Variants in ARMH1 observed in about 807,000 individuals in gnomAD.
The protein encoded by ARMH1 is armadillo like helical domain containing 1.
ARMH1 carries 34 observed loss-of-function variants against 50.2 expected under a neutral mutation model. The observed-to-expected ratio is 0.68, with a 90% CI of 0.51 to 0.90. The LOEUF is 0.90. Ranked by LOEUF, ARMH1 falls within the 40% of genes least tolerant of loss-of-function variation. The probability of loss-of-function intolerance (pLI) is 0.00; values close to 1 mark genes in which losing one functional copy is unlikely to be tolerated. For missense variants in ARMH1, 538 were observed against 553.9 expected, an observed-to-expected ratio of 0.97 and a Z score of 0.29; for synonymous variants, 221 against 224.2, an observed-to-expected ratio of 0.99 and a Z score of 0.13.
chr1:44,680,848 C>T (rs969453231), intron 1 of ARMH1, among the ~76,000 whole-genome samples: 4 of 152,142 alleles, frequency 2.6e-5, no homozygotes, highest in African/African-American at 9.7e-5. Flanking sequence ...TTATCTTCCA[C>T]AGCCAGTCAG....
intron 1 of ARMH1, among the ~76,000 whole-genome samples, chr1:44,687,213 T>C (rs1645501533): frequency 6.6e-6 from 1 of 152,200 alleles, no homozygotes; most frequent in Non-Finnish European, 1.5e-5. Flanking sequence ...TGACCATGTT[T>C]TCCCTGTGTC....
rs76918869 is a variant in ARMH1 at position 44,682,011 on chromosome 1, C to A, written c.-23+7138C>A. 0.025 allele frequency among the ~76,000 whole-genome samples: 3,745 copies of A among 152,240 alleles called. 159 individuals carry two copies. The highest frequency in any genetic ancestry group is 0.087 in the African/African-American group (3,603 of 41,524). On this transcript the variant is annotated intron_variant, in intron 1 of 11. Transcript: ENST00000535358. This position sits in a 1 kb window ranked among gnomAD's most constrained non-coding sequence, Gnocchi z 4.5. ...AATCACCTTTTTGCTTGTCTCTCTGCCCTGCCAGTCTGTAAGCACCCGAGG... is the reference window on the plus strand; with the variant it reads ...AATCACCTTTTTGCTTGTCTCTCTGACCTGCCAGTCTGTAAGCACCCGAGG...
chr1:44,721,016 G>A (rs1647087603), intron 6 of ARMH1, among the ~76,000 whole-genome samples: 1 of 152,032 alleles, frequency 6.6e-6, no homozygotes, highest in East Asian at 1.9e-4. Context: ...CAGCCTGGGT[G>A]ACAGAGTGAA....
At chr1:44,694,094 T>C (rs570680466) in intron 2 of ARMH1, among the ~76,000 whole-genome samples, 1 of 152,350 alleles carries the variant, frequency 6.6e-6, no homozygotes, top group African/African-American at 2.4e-5. Context: ...GTGCCAATCA[T>C]AGTGCCTAAA....
chr1:44,678,797 G>C (rs796578247), intron 1 of ARMH1, among the ~76,000 whole-genome samples: 37 of 152,272 alleles, frequency 2.4e-4, no homozygotes, highest in Middle Eastern at 3.4e-3. Flanking sequence ...GATTTGCCGG[G>C]GGGGTGGGGA....
intron 2 of ARMH1, among the ~76,000 whole-genome samples, chr1:44,696,723 A>G (rs551043596): frequency 5.8e-4 from 89 of 152,214 alleles, no homozygotes; most frequent in Non-Finnish European, 1.2e-3. Context: ...TCTAAGAATG[A>G]GGCACAAAGT....
intron 6 of ARMH1, among the ~76,000 whole-genome samples, chr1:44,718,844 G>A (rs1161170197): frequency 6.6e-6 from 1 of 152,002 alleles, no homozygotes; most frequent in Admixed American, 6.6e-5. Flanking sequence ...GACCACCATG[G>A]AGAAACCCGT....
chr1:44,697,202 C>T, intron 3 of ARMH1, 32 bp downstream of exon 3: 1 of 1,507,258 alleles, frequency 6.6e-7, no homozygotes, highest in Admixed American at 2.0e-5. Flanking sequence ...TTCTGGGGGT[C>T]TCAGTGGCAT....
intron 6 of ARMH1, among the ~76,000 whole-genome samples, chr1:44,714,793 A>G (rs1001209174): frequency 3.9e-5 from 6 of 152,016 alleles, no homozygotes; most frequent in Non-Finnish European, 7.4e-5. Flanking sequence ...CTACAGGCAC[A>G]TGCCACTATG....
chr1:44,699,008 C>T (rs1014321820), intron 4 of ARMH1, among the ~76,000 whole-genome samples: 13 of 151,924 alleles, frequency 8.6e-5, no homozygotes, highest in South Asian at 8.3e-4. Context: ...TTAGGCCAGG[C>T]GCGGTGGCTC....
At chr1:44,686,896 G>A (rs756782446) in intron 1 of ARMH1, among the ~76,000 whole-genome samples, 3 of 150,206 alleles carry the variant, frequency 2.0e-5, no homozygotes, top group Non-Finnish European at 4.4e-5. Flanking sequence ...TACTATGATC[G>A]TACCTGTGAA....
chr1:44,721,578 A>AGAG (rs1047990070), intron 6 of ARMH1, among the ~76,000 whole-genome samples: 3 of 152,198 alleles, frequency 2.0e-5, no homozygotes, highest in African/African-American at 4.8e-5. Context: ...AAAACATGAC[A>AGAG]GTAGGCCGGG....
intron 6 of ARMH1, among the ~76,000 whole-genome samples, chr1:44,723,053 C>T (rs1206319258): frequency 3.3e-5 from 5 of 149,514 alleles, no homozygotes; most frequent in Admixed American, 2.0e-4. Context: ...CCAGCCTGGG[C>T]GACAGAGTGA....
chr1:44,709,476 T>G lies in ARMH1; in HGVS notation c.724+5303T>G, dbSNP rs189313188. Among the ~76,000 whole-genome samples the G allele has an allele frequency of 9.3e-4, 141 of 152,134 alleles. 3 individuals are homozygous for G. The East Asian group carries it at 0.023, about 25-fold the overall frequency. ...TCACGAGGTCAGGAGATCGAGACCA[T>G]CCTGGCTAACACGGTGAAACCCCAT... On this transcript the variant is annotated intron_variant, in intron 6 of 11. Transcript: ENST00000535358.
At chr1:44,688,918 G>C (rs568926177) in intron 1 of ARMH1, among the ~76,000 whole-genome samples, 1 of 152,188 alleles carries the variant, frequency 6.6e-6, no homozygotes, top group African/African-American at 2.4e-5. Flanking sequence ...TAGTGTAAAA[G>C]CCCGAGGTAC....
rs1338660902 is a variant in ARMH1, at chr1:44,689,673, T to C, written c.-22-3T>C. 1.9e-6 allele frequency: 3 copies of C among 1,549,558 alleles called. No homozygotes were observed. The highest frequency in any genetic ancestry group is 2.6e-6 in the Non-Finnish European group (3 of 1,145,036). ...AACCTGTCTCTTTTCCCTCCCTCTG[T>C]AGCCAACTTCAGGACTGATTGATCA... On this transcript the variant is annotated splice_polypyrimidine_tract_variant and splice_region_variant and intron_variant, in intron 1 of 11. Transcript: ENST00000535358.
chr1:44,700,358 C>T (rs1422229501), intron 4 of ARMH1, among the ~76,000 whole-genome samples: 2 of 152,154 alleles, frequency 1.3e-5, no homozygotes, highest in Non-Finnish European at 1.5e-5. Flanking sequence ...TGGCTCACGC[C>T]TCTAATCCCA....
chr1:44,710,545 C>T (rs1424933261), intron 6 of ARMH1, among the ~76,000 whole-genome samples: 1 of 142,130 alleles, frequency 7.0e-6, no homozygotes, highest in South Asian at 2.2e-4. Flanking sequence ...GGAGGTGGAG[C>T]TTGCAGTGAG....
intron 6 of ARMH1, among the ~76,000 whole-genome samples, chr1:44,715,121 G>A (rs1377840889): frequency 6.6e-6 from 1 of 152,260 alleles, no homozygotes; most frequent in Admixed American, 6.5e-5. Context: ...AGCAAACCTC[G>A]GTAAGGAAGC....
Sources: gnomAD v4.1 joint callset for allele counts (sites outside exome capture counted in the v4.1 genomes callset) on GRCh38, gnomAD v4.1.1 for gene constraint, Gnocchi (gnomAD v3.1) non-coding constraint, MANE v1.5 for transcripts, NCBI Gene and HGNC (gene_info 2026-07-23, HGNC 2026-07-21) for gene names.